The following NUGGC variants were observed in gnomAD, a reference collection of about 807,000 sequenced individuals.
NUGGC encodes nuclear GTPase, germinal center associated.
NUGGC carries 58 observed loss-of-function variants against 92.6 expected under a neutral mutation model. The ratio of observed to expected loss-of-function variants is 0.63; its 90% confidence interval spans 0.51 to 0.78. The LOEUF (loss-of-function observed/expected upper bound fraction) is 0.78, where lower values mean the gene tolerates loss of function less well. Ranked by LOEUF, NUGGC falls within the 30% of genes least tolerant of loss-of-function variation. NUGGC has a pLI of 0.00. For missense variants in NUGGC, 925 were observed against 964.6 expected (o/e 0.96, Z 0.54); for synonymous variants, 376 against 366.4 (o/e 1.03, Z -0.30).
rs74539081 is a variant in NUGGC, at chr8:28,083,807, G to A, written c.-79C>T. On this transcript the variant is annotated 5_prime_UTR_variant, in exon 1 of 19. Coordinates refer to ENST00000413272, the MANE Select transcript of NUGGC (RefSeq NM_001010906.2). ...CACTGAACAGAAAAAAAAAAAAAAA[G>A]TTCTGGTTTGGTTACAGGAGTCCAC... 6.7e-6 allele frequency: 1 copy of A among 149,106 alleles called. No homozygotes were observed. Among genetic ancestry groups the A allele is most frequent in the Non-Finnish European group, 1.5e-5 (1 of 67,286 alleles). The allele number at this position is 149,106 out of a possible 1,614,324, so 9.2% of individuals were successfully genotyped here. A position where few individuals can be genotyped will look rare whatever the true frequency, so the allele number is the denominator to read the frequency against.
chr8:28,058,007 C>T (rs995202548), intron 9 of NUGGC, among the ~76,000 whole-genome samples: 10 of 152,054 alleles, frequency 6.6e-5, no homozygotes, highest in South Asian at 2.1e-4. Flanking sequence ...GCCTGGCCAA[C>T]GTGGTGAAAC....
chr8:28,057,574 C>G (rs561920907), intron 9 of NUGGC, among the ~76,000 whole-genome samples: 1 of 151,922 alleles, frequency 6.6e-6, no homozygotes, highest in Non-Finnish European at 1.5e-5. Flanking sequence ...CTCCTGACCT[C>G]GTGATCCGCC....
chr8:28,065,674 G>A (rs1026385558), intron 6 of NUGGC, among the ~76,000 whole-genome samples: 3 of 151,962 alleles, frequency 2.0e-5, no homozygotes, highest in Non-Finnish European at 2.9e-5. Flanking sequence ...AGAGGACAGG[G>A]GATTTGGGAT....
At chr8:28,064,477 G>C in intron 7 of NUGGC, 45 bp downstream of exon 7, 1 of 1,486,380 alleles carries the variant, frequency 6.7e-7, no homozygotes, top group African/African-American at 1.4e-5. Flanking sequence ...AGAAAGGGTA[G>C]AGGAGTTTAG....
At chr8:28,049,886 G>T (rs951727783) in intron 10 of NUGGC, among the ~76,000 whole-genome samples, 2 of 152,094 alleles carry the variant, frequency 1.3e-5, no homozygotes, top group Admixed American at 1.3e-4. Flanking sequence ...AGGAATTCAG[G>T]ACCAGCCTAG....
At chr8:28,074,090 T>C in intron 2 of NUGGC, among the ~76,000 whole-genome samples, 1 of 151,180 alleles carries the variant, frequency 6.6e-6, no homozygotes, top group South Asian at 2.1e-4. Flanking sequence ...TGAGCCACCA[T>C]GCCCAGCCTG....
At chr8:28,065,152 CTTTTTTTTTTT>C (rs5890398) in intron 6 of NUGGC, among the ~76,000 whole-genome samples, 7 of 79,884 alleles carry the variant, frequency 8.8e-5, no homozygotes, top group Non-Finnish European at 1.4e-4. Flanking sequence ...GAAATTGGAT[CTTTTTTTTTTT>C]TTTTTTTTTT....
chr8:28,056,713 C>A (rs183103121), intron 9 of NUGGC, among the ~76,000 whole-genome samples: 1 of 152,022 alleles, frequency 6.6e-6, no homozygotes, highest in African/African-American at 2.4e-5. Context: ...TGTACTACCA[C>A]GAAATGCACA....
chr8:28,056,012 C>G lies in NUGGC; in HGVS notation c.1159G>C (p.Glu387Gln). The stretch of plus-strand genomic sequence containing the variant: ...CTAGTCCTTTGTAGTTTTATCATTT[C>G]ATTTCTTTCTAAAACAGCCTCTCGC... ...SQREAVLERN[E>Q]MIKLQRTRIL... is the part of the protein sequence containing the mutation. Residue 387 changes from glutamate (E) to glutamine (Q), a missense_variant, in exon 10 of 19, where the codon GAA becomes CAA. By Grantham distance (29) the Glu-to-Gln change is conservative. Transcript: ENST00000413272. The G allele has an allele frequency of 2.6e-6, 4 of 1,566,414 alleles. No individual in the cohort carries two copies. Among genetic ancestry groups the G allele is most frequent in the Non-Finnish European group, 3.5e-6 (4 of 1,152,782 alleles).
At chr8:28,029,445 G>A in intron 16 of NUGGC, 43 bp from the exon 17 acceptor site, 8 of 1,603,962 alleles carry the variant, frequency 5.0e-6, no homozygotes, top group Non-Finnish European at 6.8e-6. Context: ...ACAAGGACCT[G>A]CTTAGAAATC....
intron 7 of NUGGC, among the ~76,000 whole-genome samples, chr8:28,064,285 C>T (rs1247655559): frequency 2.6e-5 from 4 of 152,220 alleles, no homozygotes; most frequent in African/African-American, 9.7e-5. Context: ...TGGTCTTTCT[C>T]ATACATCACA....
intron 6 of NUGGC, 27 bp from the exon 7 acceptor site, chr8:28,064,758 C>A: frequency 6.3e-7 from 1 of 1,594,410 alleles, no homozygotes; most frequent in South Asian, 1.1e-5. Flanking sequence ...GAGTCACACA[C>A]ACCAGCCATG....
intron 6 of NUGGC, among the ~76,000 whole-genome samples, 155 bp downstream of exon 6, chr8:28,067,359 G>A (rs1262406500): frequency 6.6e-6 from 1 of 152,180 alleles, no homozygotes; most frequent in African/African-American, 2.4e-5. Context: ...CATAAATAAT[G>A]AGGATAACTT....
rs566204066 is a variant in NUGGC at position 28,050,220 on chromosome 8, T to C, written c.1207-2608A>G. ...GATCAACATGGAGAAACCCCGTCTC[T>C]ACTAAAAATACAAAATTAGCCAGGC... is the stretch of plus-strand genomic sequence containing the variant. On this transcript the variant is annotated intron_variant, in intron 10 of 18. Coordinates refer to ENST00000413272, the MANE Select transcript of NUGGC (RefSeq NM_001010906.2). Among the ~76,000 whole-genome samples, 6 of 151,438 alleles carry C rather than the reference T, an allele frequency of 4.0e-5. No individual in the cohort carries two copies. In the South Asian group the frequency reaches 1.0e-3, roughly 26 times the overall value.
At chr8:28,071,152 C>T (rs1286861080) in intron 2 of NUGGC, among the ~76,000 whole-genome samples, 1 of 152,118 alleles carries the variant, frequency 6.6e-6, no homozygotes, top group Non-Finnish European at 1.5e-5. Flanking sequence ...TCTATCTCCC[C>T]AGATAAATAG....
chr8:28,067,798 GACAA>G (rs1250370098), intron 5 of NUGGC, 54 bp from the exon 6 acceptor site: 5 of 1,392,582 alleles, frequency 3.6e-6, no homozygotes, highest in Admixed American at 3.8e-5. Context: ...AGAGAACACC[GACAA>G]ACAGAGGGGC....
chr8:28,063,882 TC>T (rs1419008106), intron 7 of NUGGC, among the ~76,000 whole-genome samples: 1 of 152,100 alleles, frequency 6.6e-6, no homozygotes, highest in Non-Finnish European at 1.5e-5. Context: ...CCTGTGTTCC[TC>T]CCACCCTGTG....
chr8:28,025,095 A>G (rs1036910274), intron 18 of NUGGC, among the ~76,000 whole-genome samples: 3 of 152,160 alleles, frequency 2.0e-5, no homozygotes, highest in Non-Finnish European at 2.9e-5. Context: ...AGCTCCATGA[A>G]GGTGGGGACT....
chr8:28,034,444 A>G (rs1328138975), intron 13 of NUGGC, among the ~76,000 whole-genome samples: 1 of 152,240 alleles, frequency 6.6e-6, no homozygotes, highest in Non-Finnish European at 1.5e-5. Flanking sequence ...ATAGCATTGT[A>G]CAATTGGTAT....
Sources: gnomAD v4.1 joint callset for allele counts (sites outside exome capture counted in the v4.1 genomes callset) on GRCh38, gnomAD v4.1.1 for gene constraint, MANE v1.5 for transcripts, NCBI Gene and HGNC (gene_info 2026-07-23, HGNC 2026-07-21) for gene names.